Variants in SLC9C1 observed in about 807,000 individuals in gnomAD.
SLC9C1 encodes the protein sodium/hydrogen exchanger 10.
Under a neutral mutation model 140.9 loss-of-function variants are expected in SLC9C1, and 97 were observed. The observed-to-expected ratio is 0.69, with a 90% confidence interval of 0.58 to 0.82. The LOEUF (loss-of-function observed/expected upper bound fraction) is 0.82, where lower values mean the gene tolerates loss of function less well. Among genes scored for constraint, SLC9C1 ranks in the 40% least tolerant of loss-of-function variants. The pLI, the probability that SLC9C1 is intolerant of heterozygous loss-of-function variation, is 0.00. For missense variants in SLC9C1, 1,340 were observed against 1,389.3 expected, an observed-to-expected ratio of 0.96 and a Z score of 0.56; for synonymous variants, 440 against 442.6, an observed-to-expected ratio of 0.99 and a Z score of 0.07.
chr3:112,277,202 T>C (rs563903889), intron 5 of SLC9C1, among the ~76,000 whole-genome samples: 26 of 152,302 alleles, frequency 1.7e-4, no homozygotes, highest in Non-Finnish European at 3.1e-4. Flanking sequence ...TTTCTTAAGA[T>C]ACTATACACT....
At chr3:112,214,945 A>T (rs1454665986) in intron 15 of SLC9C1, among the ~76,000 whole-genome samples, 1 of 152,248 alleles carries the variant, frequency 6.6e-6, no homozygotes, top group Non-Finnish European at 1.5e-5. Flanking sequence ...ATGAACATCG[A>T]TGCAAAAATC....
At chr3:112,252,826 GA>G (rs1345474291) in intron 10 of SLC9C1, among the ~76,000 whole-genome samples, 1 of 151,636 alleles carries the variant, frequency 6.6e-6, no homozygotes, top group Non-Finnish European at 1.5e-5. Flanking sequence ...GTGGGTCCAT[GA>G]TCCCATTCCT....
intron 15 of SLC9C1, among the ~76,000 whole-genome samples, chr3:112,211,956 C>G (rs143361906): frequency 0.022 from 3,416 of 152,342 alleles, 132 homozygotes; most frequent in African/African-American, 0.077. Context: ...AGGCACCCCC[C>G]AGTAAGGGCA....
At chr3:112,142,496 G>T (rs950238629) in intron 28 of SLC9C1, among the ~76,000 whole-genome samples, 3 of 151,898 alleles carry the variant, frequency 2.0e-5, no homozygotes, top group Non-Finnish European at 2.9e-5. Context: ...ATTATTATAG[G>T]ATTATATAAG....
chr3:112,149,595 A>T (rs927324071), intron 28 of SLC9C1, among the ~76,000 whole-genome samples: 3 of 151,880 alleles, frequency 2.0e-5, no homozygotes, highest in African/African-American at 7.3e-5. Context: ...GCTGCACCAC[A>T]ATCTATGTCT....
intron 10 of SLC9C1, among the ~76,000 whole-genome samples, chr3:112,249,076 G>A (rs1050237465): frequency 8.5e-5 from 13 of 152,114 alleles, no homozygotes; most frequent in African/African-American, 2.7e-4. Context: ...TATGATGTTG[G>A]TTGTGGGCTT....
At chr3:112,270,401 A>G (rs2080039032) in intron 6 of SLC9C1, among the ~76,000 whole-genome samples, 1 of 152,096 alleles carries the variant, frequency 6.6e-6, no homozygotes, top group Non-Finnish European at 1.5e-5. Context: ...TCTTACTAAC[A>G]CTTCTCTTTT....
At chr3:112,211,921 C>T (rs556623517) in intron 15 of SLC9C1, among the ~76,000 whole-genome samples, 1 of 152,346 alleles carries the variant, frequency 6.6e-6, no homozygotes, top group South Asian at 2.1e-4. Context: ...AAGTGGATCT[C>T]TGACCCCCGA....
chr3:112,243,657 C>A (rs977496534), intron 11 of SLC9C1, among the ~76,000 whole-genome samples: 3 of 151,508 alleles, frequency 2.0e-5, no homozygotes, highest in Non-Finnish European at 4.4e-5. Context: ...AAAAATTAGG[C>A]ACCACTGACT....
intron 23 of SLC9C1, among the ~76,000 whole-genome samples, chr3:112,176,519 C>T (rs2077339622): frequency 6.6e-6 from 1 of 152,180 alleles, no homozygotes; most frequent in African/African-American, 2.4e-5. Context: ...GGACAATCTC[C>T]ATGATGGTTT....
intron 13 of SLC9C1, among the ~76,000 whole-genome samples, chr3:112,228,352 A>C (rs1416757696): frequency 6.6e-6 from 1 of 152,094 alleles, no homozygotes; most frequent in Non-Finnish European, 1.5e-5. Context: ...TATGCAGATG[A>C]ATGAAACTAA....
chr3:112,216,621 C>T (rs886620255), intron 15 of SLC9C1, among the ~76,000 whole-genome samples: 6 of 152,120 alleles, frequency 3.9e-5, no homozygotes, highest in Admixed American at 1.3e-4. Context: ...CATCATCACT[C>T]GCCATCAGAG....
At chr3:112,238,455 C>T (rs1309107286) in intron 12 of SLC9C1, among the ~76,000 whole-genome samples, 1 of 152,226 alleles carries the variant, frequency 6.6e-6, no homozygotes, top group East Asian at 1.9e-4. Context: ...CTTCTCTCAA[C>T]TCGTCATATT....
At chr3:112,252,694 T>A (rs2079495820) in intron 10 of SLC9C1, among the ~76,000 whole-genome samples, 1 of 152,082 alleles carries the variant, frequency 6.6e-6, no homozygotes, top group Non-Finnish European at 1.5e-5. Context: ...CCATCTTTGC[T>A]GTTTAGTAGC....
At chr3:112,213,482 C>T (rs977661270) in intron 15 of SLC9C1, among the ~76,000 whole-genome samples, 4 of 152,080 alleles carry the variant, frequency 2.6e-5, no homozygotes, top group Non-Finnish European at 5.9e-5. Context: ...CAGAGACACA[C>T]ATAGGCTCAA....
rs2080176533 is a variant in SLC9C1, at chr3:112,274,994, A to C, written c.516T>G (p.Asn172Lys). The change falls in exon 6 of 29, where the codon AAT becomes AAG. Residue 172 changes from asparagine to lysine, a missense_variant. By Grantham distance (94) the Asn-to-Lys change is moderately conservative. Transcript: ENST00000305815. ...GLSRSLISLI[N>K]GESLMTSVIS... ...TAACAGAGGTCATCAGACTTTCTCCATTAATTAAACTGATGAGGCTTCTAG... is the reference window on the plus strand; with the variant it reads ...TAACAGAGGTCATCAGACTTTCTCCCTTAATTAAACTGATGAGGCTTCTAG... The C allele has an allele frequency of 6.3e-7, 1 of 1,579,306 alleles. No individual in the cohort carries two copies. Among genetic ancestry groups the C allele is most frequent in the Non-Finnish European group, 8.5e-7 (1 of 1,169,818 alleles).
intron 10 of SLC9C1, among the ~76,000 whole-genome samples, chr3:112,257,898 T>C (rs535306773): frequency 1.3e-5 from 2 of 152,172 alleles, no homozygotes; most frequent in South Asian, 4.2e-4. Context: ...GAGCAGACAG[T>C]TTTCAAAAGA....
At chr3:112,164,878 G>A (rs1298912396) in intron 26 of SLC9C1, among the ~76,000 whole-genome samples, 2 of 152,144 alleles carry the variant, frequency 1.3e-5, no homozygotes, top group Non-Finnish European at 1.5e-5. Context: ...TTCCAGCTTG[G>A]TTCCATTCTC....
At chr3:112,210,880 A>T (rs9837375) in intron 15 of SLC9C1, among the ~76,000 whole-genome samples, 45,387 of 151,628 alleles carry the variant, frequency 0.3, 7,018 homozygotes, top group East Asian at 0.36. Context: ...TATTTTTTTT[A>T]AAAATAAAAA....
Sources: gnomAD v4.1 joint callset for allele counts (sites outside exome capture counted in the v4.1 genomes callset) on GRCh38, gnomAD v4.1.1 for gene constraint, MANE v1.5 for transcripts, NCBI Gene and HGNC (gene_info 2026-07-23, HGNC 2026-07-21) for gene names.